Variants in ERC2 observed in about 807,000 individuals in gnomAD.
ERC2 encodes ERC protein 2.
In ERC2, 42 loss-of-function variants were observed where a neutral mutation model predicts 114.8. The observed-to-expected ratio is 0.37, with a 90% confidence interval of 0.29 to 0.47. ERC2 has a LOEUF of 0.47. Among genes scored for constraint, ERC2 ranks in the 20% least tolerant of loss-of-function variants. The probability of loss-of-function intolerance (pLI) is 0.99; values close to 1 mark genes in which losing one functional copy is unlikely to be tolerated. For synonymous variants in ERC2, 454 were observed against 425.5 expected, an observed-to-expected ratio of 1.07 and a Z score of -0.82; for missense variants, 939 against 1,150.7, an observed-to-expected ratio of 0.82 and a Z score of 2.66.
intron 14 of ERC2, among the ~76,000 whole-genome samples, chr3:55,768,303 G>A (rs943959751): frequency 1.3e-5 from 2 of 152,204 alleles, no homozygotes; most frequent in African/African-American, 4.8e-5. Flanking sequence ...CTGGAATAAA[G>A]CACTATCTGG....
intron 14 of ERC2, among the ~76,000 whole-genome samples, chr3:55,850,118 A>G (rs1434035002): frequency 2.0e-5 from 3 of 152,020 alleles, no homozygotes; most frequent in Non-Finnish European, 4.4e-5. Context: ...TGCCTCCACA[A>G]TCTCTGCCTC....
intron 17 of ERC2, among the ~76,000 whole-genome samples, chr3:55,560,677 A>G (rs1230733526): frequency 6.6e-6 from 1 of 152,220 alleles, no homozygotes; most frequent in Non-Finnish European, 1.5e-5. Flanking sequence ...TGCTGATGGA[A>G]TTCCTGACCC....
chr3:56,253,748 G>A (rs1397694880), intron 3 of ERC2, among the ~76,000 whole-genome samples: 1 of 152,132 alleles, frequency 6.6e-6, no homozygotes, highest in East Asian at 1.9e-4. Flanking sequence ...AGATACAAAT[G>A]CTAAAGACTC....
chr3:55,534,556 T>C (rs1427697788), intron 17 of ERC2, among the ~76,000 whole-genome samples: 1 of 151,460 alleles, frequency 6.6e-6, no homozygotes, highest in Non-Finnish European at 1.5e-5. Context: ...ATTAACAGCA[T>C]GTAGTAGCAC....
chr3:56,454,424 A>C (rs1039097290), intron 1 of ERC2, among the ~76,000 whole-genome samples: 2 of 152,194 alleles, frequency 1.3e-5, no homozygotes, highest in African/African-American at 4.8e-5. Flanking sequence ...CAGGGTGTAG[A>C]AGTCCCAGGG....
chr3:56,291,601 A>G (rs1031677400), intron 3 of ERC2, among the ~76,000 whole-genome samples: 1 of 152,200 alleles, frequency 6.6e-6, no homozygotes, highest in Non-Finnish European at 1.5e-5. Flanking sequence ...TCATAAAACC[A>G]CTAGCACTCC....
chr3:55,817,494 C>A (rs1313748242), intron 14 of ERC2, among the ~76,000 whole-genome samples: 4 of 152,204 alleles, frequency 2.6e-5, no homozygotes, highest in African/African-American at 9.6e-5. Context: ...CTCTTTCATT[C>A]TAGAAAGCAT....
chr3:55,785,724 T>TG (rs1176019563), intron 14 of ERC2, among the ~76,000 whole-genome samples: 52 of 152,344 alleles, frequency 3.4e-4, no homozygotes, highest in African/African-American at 1.1e-3. Context: ...TCGATTCTCT[T>TG]GACTAGATCT....
Position 55,972,295 on chromosome 3 carries a change from A to T in ERC2, c.2267+13682T>A, listed in dbSNP as rs111900191. Among the ~76,000 whole-genome samples the T allele has an allele frequency of 5.5e-3, 837 of 152,342 alleles. 9 individuals are homozygous for T. Among genetic ancestry groups the T allele is most frequent in the African/African-American group, 0.019 (805 of 41,564 alleles). ...AAAATTTTACTTTAAGTTCTGGGAT[A>T]CATGTGCAGAACGTGCAGGTTTGTT... On this transcript the variant is annotated intron_variant, in intron 12 of 17. Transcript: ENST00000288221.
chr3:55,852,995 C>G (rs1379898680), intron 14 of ERC2, among the ~76,000 whole-genome samples: 1 of 152,184 alleles, frequency 6.6e-6, no homozygotes, highest in Non-Finnish European at 1.5e-5. Context: ...ATGCCAGTAG[C>G]ATACCTTCTG....
chr3:56,437,002 G>T (rs566239158), intron 1 of ERC2, among the ~76,000 whole-genome samples: 2 of 152,298 alleles, frequency 1.3e-5, no homozygotes, highest in African/African-American at 4.8e-5. Context: ...GTGACTGATT[G>T]CATTAAAGGT....
intron 3 of ERC2, among the ~76,000 whole-genome samples, chr3:56,287,363 C>T (rs1185083210): frequency 6.6e-6 from 1 of 152,138 alleles, no homozygotes; most frequent in African/African-American, 2.4e-5. Context: ...GGTCTAAGTG[C>T]CACACATTTG....
chr3:56,042,627 T>A (rs1035595198), intron 7 of ERC2, among the ~76,000 whole-genome samples: 2 of 151,830 alleles, frequency 1.3e-5, no homozygotes, highest in African/African-American at 4.8e-5. Context: ...ATAAGACCGC[T>A]CCCCAAAGTG....
chr3:56,413,315 CCTT>C (rs2061015488), intron 2 of ERC2, among the ~76,000 whole-genome samples: 1 of 152,238 alleles, frequency 6.6e-6, no homozygotes, highest in South Asian at 2.1e-4. Context: ...TGCCAAGTCA[CCTT>C]TATTCTTTCA....
chr3:55,596,782 C>A (rs1405976524), intron 17 of ERC2, among the ~76,000 whole-genome samples: 2 of 151,984 alleles, frequency 1.3e-5, no homozygotes, highest in African/African-American at 2.4e-5. Context: ...CTACCAGGAG[C>A]TATAACATTA....
At chr3:56,046,303 T>G (rs1335307626) in intron 7 of ERC2, among the ~76,000 whole-genome samples, 3 of 152,190 alleles carry the variant, frequency 2.0e-5, no homozygotes, top group Admixed American at 2.0e-4. Flanking sequence ...CATTATTCAC[T>G]GCCATTTAGG....
chr3:56,218,630 C>T (rs573241973), intron 3 of ERC2, among the ~76,000 whole-genome samples: 15 of 152,234 alleles, frequency 9.9e-5, no homozygotes, highest in Non-Finnish European at 1.9e-4. Flanking sequence ...CCCAGCCATC[C>T]CATTACTGGG....
chr3:56,433,054 C>T lies in ERC2; in HGVS notation c.657+1297G>A, dbSNP rs545237376. On this transcript the variant is annotated intron_variant, in intron 2 of 17. Coordinates refer to ENST00000288221, the MANE Select transcript of ERC2 (RefSeq NM_015576.3). ...TCGGCAGGCTGTGGTGATATGTGCC[C>T]GTAGTCCCAGCTACTCAGAAAGCTG... Among the ~76,000 whole-genome samples, 63 of 151,936 alleles carry T rather than the reference C, an allele frequency of 4.1e-4. No homozygotes were observed. In the East Asian group the frequency reaches 0.011, roughly 28 times the overall value.
At chr3:56,058,075 T>G (rs1357292756) in intron 7 of ERC2, among the ~76,000 whole-genome samples, 1 of 152,188 alleles carries the variant, frequency 6.6e-6, no homozygotes, top group Non-Finnish European at 1.5e-5. Context: ...AATCTTCAAT[T>G]CATATTACAA....
Sources: gnomAD v4.1 joint callset for allele counts (sites outside exome capture counted in the v4.1 genomes callset) on GRCh38, gnomAD v4.1.1 for gene constraint, MANE v1.5 for transcripts, NCBI Gene and HGNC (gene_info 2026-07-23, HGNC 2026-07-21) for gene names.